The following PDE4D variants were observed in gnomAD, a reference collection of about 807,000 sequenced individuals.
The protein encoded by PDE4D is phosphodiesterase 4D.
In PDE4D, 24 loss-of-function variants were observed where a neutral mutation model predicts 87.4. The observed-to-expected ratio is 0.27, with a 90% CI of 0.20 to 0.39. The LOEUF is 0.39. Ranked by LOEUF, PDE4D falls within the 10% of genes least tolerant of loss-of-function variation. The probability of loss-of-function intolerance (pLI) is 1.00; values close to 1 mark genes in which losing one functional copy is unlikely to be tolerated. For missense variants in PDE4D, 714 were observed against 1,041.0 expected, an observed-to-expected ratio of 0.69 and a Z score of 4.32; for synonymous variants, 384 against 383.2, an observed-to-expected ratio of 1.00 and a Z score of -0.02.
chr5:60,073,772 G>T (rs529777581), intron 2 of PDE4D, among the ~76,000 whole-genome samples: 5 of 151,904 alleles, frequency 3.3e-5, no homozygotes, highest in African/African-American at 1.2e-4. Flanking sequence ...TATGTCCAGG[G>T]ATTTATCAAT....
intron 1 of PDE4D, among the ~76,000 whole-genome samples, chr5:60,299,705 A>C (rs1753721805): frequency 6.6e-6 from 1 of 151,914 alleles, no homozygotes; most frequent in Non-Finnish European, 1.5e-5. Context: ...TCCAACTCCA[A>C]CCATGTCCCT....
chr5:60,105,362 T>G (rs1776766518), intron 2 of PDE4D, among the ~76,000 whole-genome samples: 1 of 152,054 alleles, frequency 6.6e-6, no homozygotes, highest in Non-Finnish European at 1.5e-5. Flanking sequence ...TGGGACTATG[T>G]GAAAAGACCA....
At chr5:59,037,919 G>C (rs1758835382) in intron 6 of PDE4D, among the ~76,000 whole-genome samples, 1 of 151,326 alleles carries the variant, frequency 6.6e-6, no homozygotes, top group South Asian at 2.1e-4. Flanking sequence ...CTTGTAAATA[G>C]GTGGCCAAAA....
intron 1 of PDE4D, among the ~76,000 whole-genome samples, chr5:59,792,672 G>C (rs1275907697): frequency 2.6e-5 from 4 of 152,230 alleles, no homozygotes; most frequent in African/African-American, 9.6e-5. Context: ...ACAAAATAAG[G>C]CCTCTTTGGA....
intron 3 of PDE4D, among the ~76,000 whole-genome samples, chr5:59,955,482 A>G (rs1329957986): frequency 6.6e-6 from 1 of 152,110 alleles, no homozygotes; most frequent in African/African-American, 2.4e-5. Context: ...ATAGGGAGGG[A>G]ATCCCTGGGA....
intron 1 of PDE4D, among the ~76,000 whole-genome samples, chr5:59,745,596 T>C (rs970717921): frequency 5.9e-5 from 9 of 151,898 alleles, no homozygotes; most frequent in African/African-American, 1.7e-4. Flanking sequence ...TTGACAGGGG[T>C]GACGTGCTGA....
intron 1 of PDE4D, among the ~76,000 whole-genome samples, chr5:59,621,157 A>G (rs914229745): frequency 1.3e-5 from 2 of 152,138 alleles, no homozygotes; most frequent in South Asian, 2.1e-4. Flanking sequence ...CCATCTTCAC[A>G]CTTCAGGTGG....
At chr5:59,068,638 G>C (rs780096116) in intron 5 of PDE4D, among the ~76,000 whole-genome samples, 8 of 152,170 alleles carry the variant, frequency 5.3e-5, no homozygotes. Flanking sequence ...AAGGAATGAA[G>C]GCAGTCCACT....
intron 1 of PDE4D, among the ~76,000 whole-genome samples, chr5:60,229,435 C>T (rs1388861005): frequency 6.6e-6 from 1 of 152,076 alleles, no homozygotes; most frequent in Non-Finnish European, 1.5e-5. Context: ...GCCTAAGATG[C>T]TTGATCACAA....
At chr5:58,990,049 A>C (rs987920475) in intron 9 of PDE4D, 130 bp from the exon 10 acceptor site, 4 of 603,970 alleles carry the variant, frequency 6.6e-6, no homozygotes, top group East Asian at 2.8e-5. Flanking sequence ...CTGCACTCTC[A>C]CATGTCTAGT....
chr5:59,012,428 C>T (rs1191704425), intron 6 of PDE4D, among the ~76,000 whole-genome samples: 2 of 152,108 alleles, frequency 1.3e-5, no homozygotes, highest in Admixed American at 1.3e-4. Flanking sequence ...CAGAGAGACA[C>T]ATAGGCTCAA....
At chr5:59,179,209 C>T (rs529849043) in intron 5 of PDE4D, among the ~76,000 whole-genome samples, 3 of 152,184 alleles carry the variant, frequency 2.0e-5, no homozygotes, top group Admixed American at 1.3e-4. Context: ...TGGGTTCAAG[C>T]GATTCTCCTG....
chr5:60,058,430 A>G (rs1008594166), intron 2 of PDE4D, among the ~76,000 whole-genome samples: 6 of 151,980 alleles, frequency 3.9e-5, no homozygotes, highest in Non-Finnish European at 8.8e-5. Flanking sequence ...CATCCCCATA[A>G]GGATTATTTA....
intron 1 of PDE4D, among the ~76,000 whole-genome samples, chr5:59,449,846 A>G (rs1192102935): frequency 2.6e-5 from 4 of 152,178 alleles, no homozygotes; most frequent in Admixed American, 6.5e-5. Flanking sequence ...AGGAAGCTCC[A>G]CAGAACTATG....
chr5:60,386,407 C>A (rs1762196020), intron 1 of PDE4D, among the ~76,000 whole-genome samples: 1 of 152,208 alleles, frequency 6.6e-6, no homozygotes, highest in South Asian at 2.1e-4. Flanking sequence ...CACATTTCAA[C>A]CTCTCTAACT....
intron 1 of PDE4D, among the ~76,000 whole-genome samples, chr5:59,507,340 C>T (rs943603924): frequency 6.6e-6 from 1 of 151,374 alleles, no homozygotes; most frequent in Non-Finnish European, 1.5e-5. Context: ...TCAAACAAAA[C>T]AAAACAAAAC....
intron 2 of PDE4D, among the ~76,000 whole-genome samples, chr5:59,990,900 C>G (rs1344310153): frequency 6.6e-6 from 1 of 152,126 alleles, no homozygotes; most frequent in African/African-American, 2.4e-5. Flanking sequence ...CCCAAGGAAA[C>G]CAGGATGATT....
At chr5:59,622,798 A>G (rs114296310) in intron 1 of PDE4D, among the ~76,000 whole-genome samples, 2,415 of 152,240 alleles carry the variant, frequency 0.016, 75 homozygotes, top group African/African-American at 0.055. Flanking sequence ...AAACTCAAAG[A>G]AGTACTTTAA....
At chr5:60,116,446 T>G (rs1407661511) in intron 2 of PDE4D, among the ~76,000 whole-genome samples, 1 of 152,026 alleles carries the variant, frequency 6.6e-6, no homozygotes, top group Non-Finnish European at 1.5e-5. Flanking sequence ...TACAACATAA[T>G]CCTTTGGAAG....
Sources: allele counts gnomAD v4.1 joint callset (sites outside exome capture counted in the v4.1 genomes callset), GRCh38; gene constraint gnomAD v4.1.1; transcripts MANE v1.5; gene names NCBI Gene and HGNC (gene_info 2026-07-23, HGNC 2026-07-21).